Variants in CTNNA2 observed in about 807,000 individuals in gnomAD.
The protein encoded by CTNNA2 is catenin alpha-2.
Under a neutral mutation model 101.0 loss-of-function variants are expected in CTNNA2, and 42 were observed. The ratio of observed to expected loss-of-function variants is 0.42; its 90% CI spans 0.32 to 0.54. CTNNA2 has a LOEUF of 0.54. Among genes scored for constraint, CTNNA2 ranks in the 20% least tolerant of loss-of-function variants. The probability of loss-of-function intolerance (pLI) is 0.14; values close to 1 mark genes in which losing one functional copy is unlikely to be tolerated. For missense variants in CTNNA2, 871 were observed against 1,223.1 expected, an observed-to-expected ratio of 0.71 and a Z score of 4.29; for synonymous variants, 450 against 456.4, an observed-to-expected ratio of 0.99 and a Z score of 0.18.
chr2:79,263,671 T>G (rs959486370), intron 2 of CTNNA2, among the ~76,000 whole-genome samples: 19 of 152,128 alleles, frequency 1.2e-4, no homozygotes, highest in African/African-American at 3.6e-4. Context: ...AGAGGCAGAG[T>G]TCTCATGAAT....
At chr2:79,211,703 G>A (rs1160327223) in intron 2 of CTNNA2, among the ~76,000 whole-genome samples, 1 of 152,178 alleles carries the variant, frequency 6.6e-6, no homozygotes, top group Non-Finnish European at 1.5e-5. Flanking sequence ...ATCTGGATGT[G>A]TACGTGCAGG....
chr2:79,640,250 G>A (rs922276456), intron 1 of CTNNA2, among the ~76,000 whole-genome samples: 5 of 152,122 alleles, frequency 3.3e-5, no homozygotes, highest in Non-Finnish European at 7.4e-5. Flanking sequence ...ACTTCCTAAA[G>A]AGGTTGGGAC....
chr2:79,848,342 G>C (rs1410006377), intron 3 of CTNNA2, among the ~76,000 whole-genome samples: 1 of 152,094 alleles, frequency 6.6e-6, no homozygotes, highest in East Asian at 1.9e-4. Context: ...TTTCTCTTAA[G>C]CTTAGATCAT....
intron 7 of CTNNA2, among the ~76,000 whole-genome samples, chr2:80,167,665 T>G (rs2148956520): frequency 6.6e-6 from 1 of 152,356 alleles, no homozygotes; most frequent in Non-Finnish European, 1.5e-5. Flanking sequence ...GCCTAGACCT[T>G]TAGCCTAAAA....
At chr2:80,312,981 G>T (rs1677745595) in intron 7 of CTNNA2, among the ~76,000 whole-genome samples, 2 of 152,156 alleles carry the variant, frequency 1.3e-5, no homozygotes, top group South Asian at 4.1e-4. Context: ...TCATTGAATT[G>T]AGTTTATTAA....
At chr2:79,508,778 A>C (rs2103817346), upstream of CTNNA2, among the ~76,000 whole-genome samples, 1 of 151,822 alleles carries the variant, frequency 6.6e-6, no homozygotes, top group Non-Finnish European at 1.5e-5. Flanking sequence ...TGGAAAACTG[A>C]GTGTCATAGA....
chr2:80,587,504 A>C (rs1696080168), intron 14 of CTNNA2, among the ~76,000 whole-genome samples: 1 of 152,184 alleles, frequency 6.6e-6, no homozygotes, highest in South Asian at 2.1e-4. Context: ...TGAGGTAATT[A>C]TTTACTATGC....
At chr2:79,917,131 G>A (rs1265435759) in intron 7 of CTNNA2, among the ~76,000 whole-genome samples, 1 of 151,684 alleles carries the variant, frequency 6.6e-6, no homozygotes, top group East Asian at 2.0e-4. Flanking sequence ...TAGTGGAGTG[G>A]TGCGATCTCG....
chr2:80,014,025 T>C (rs994274304), intron 7 of CTNNA2, among the ~76,000 whole-genome samples: 1 of 152,188 alleles, frequency 6.6e-6, no homozygotes, highest in South Asian at 2.1e-4. Flanking sequence ...GGATTTACAA[T>C]GTAGGACTAG....
intron 2 of CTNNA2, among the ~76,000 whole-genome samples, chr2:79,700,949 C>G (rs1684961626): frequency 6.6e-6 from 1 of 152,074 alleles, no homozygotes; most frequent in Non-Finnish European, 1.5e-5. Context: ...AATCTGTTCT[C>G]TATTTTTTGT....
chr2:80,222,912 A>G (rs1299658668), intron 7 of CTNNA2, among the ~76,000 whole-genome samples: 1 of 152,116 alleles, frequency 6.6e-6, no homozygotes, highest in Admixed American at 6.5e-5. Flanking sequence ...AGAGAATGAG[A>G]TTGTGGTTTC....
chr2:79,766,700 G>A (rs1372572347), intron 3 of CTNNA2, among the ~76,000 whole-genome samples: 1 of 151,792 alleles, frequency 6.6e-6, no homozygotes, highest in African/African-American at 2.4e-5. Context: ...AGATCTATAG[G>A]TATGTTTCAT....
At chr2:79,801,312 T>C (rs1574002507) in intron 3 of CTNNA2, among the ~76,000 whole-genome samples, 1 of 152,184 alleles carries the variant, frequency 6.6e-6, no homozygotes, top group East Asian at 1.9e-4. Context: ...GGGTATGCTT[T>C]TGCCACGAGC....
intron 7 of CTNNA2, among the ~76,000 whole-genome samples, chr2:80,279,615 C>A (rs955633644): frequency 6.6e-6 from 1 of 152,056 alleles, no homozygotes; most frequent in Non-Finnish European, 1.5e-5. Context: ...GCTTTGATGG[C>A]ACCCACCAAT....
intron 3 of CTNNA2, among the ~76,000 whole-genome samples, chr2:79,751,717 G>A (rs949455639): frequency 2.4e-4 from 37 of 151,694 alleles, no homozygotes; most frequent in African/African-American, 8.7e-4. Context: ...GAGGACAGAA[G>A]CTATCTACCT....
intron 18 of CTNNA2, among the ~76,000 whole-genome samples, chr2:80,621,002 A>G (rs1671064936): frequency 6.6e-6 from 1 of 151,946 alleles, no homozygotes; most frequent in African/African-American, 2.4e-5. Flanking sequence ...GTATGTATTA[A>G]AAGTTTAATT....
intron 1 of CTNNA2, among the ~76,000 whole-genome samples, chr2:79,573,280 A>G (rs897367240): frequency 1.3e-5 from 2 of 152,198 alleles, no homozygotes; most frequent in African/African-American, 4.8e-5. Context: ...CTCCATAACG[A>G]TAGGCAACAA....
intron 3 of CTNNA2, among the ~76,000 whole-genome samples, chr2:79,744,973 A>C (rs1274213373): frequency 3.3e-5 from 5 of 152,116 alleles, no homozygotes; most frequent in Non-Finnish European, 1.5e-5. Context: ...AATTATTCTT[A>C]TTTTTCTGCA....
intron 4 of CTNNA2, among the ~76,000 whole-genome samples, chr2:79,464,156 C>T (rs1411119613): frequency 4.6e-5 from 7 of 152,090 alleles, no homozygotes; most frequent in African/African-American, 1.2e-4. Flanking sequence ...CGACAGGCCC[C>T]GATGTGTGAT....
Sources: gnomAD v4.1 joint callset for allele counts (sites outside exome capture counted in the v4.1 genomes callset) on GRCh38, gnomAD v4.1.1 for gene constraint, MANE v1.5 for transcripts, NCBI Gene and HGNC (gene_info 2026-07-23, HGNC 2026-07-21) for gene names.